Variants in TYR observed in about 807,000 individuals in gnomAD.
TYR encodes the protein LB24-AB.
A neutral mutation model predicts 51.5 loss-of-function variants in TYR; 58 were observed. That is an observed-to-expected ratio of 1.13 (90% confidence interval 0.91 to 1.40). The LOEUF (loss-of-function observed/expected upper bound fraction) is 1.40. TYR is among the 40% of genes most tolerant of loss of function. The pLI is 0.00. For synonymous variants in TYR, 263 were observed against 235.2 expected (o/e 1.12, Z -1.08); for missense variants, 732 against 647.4 (o/e 1.13, Z -1.42).
At chr11:89,257,686 T>A (rs1278693015) in intron 3 of TYR, among the ~76,000 whole-genome samples, 1 of 152,090 alleles carries the variant, frequency 6.6e-6, no homozygotes, top group Non-Finnish European at 1.5e-5. Context: ...GCGTAGCTGC[T>A]GCAGACCTCA....
chr11:89,209,135 G>T (rs1197916683), intron 2 of TYR, among the ~76,000 whole-genome samples: 1 of 152,118 alleles, frequency 6.6e-6, no homozygotes, highest in Non-Finnish European at 1.5e-5. Context: ...CAGGATGGGG[G>T]GTCACCTCAT....
chr11:89,292,814 T>G (rs1301622272), intron 4 of TYR, among the ~76,000 whole-genome samples: 1 of 152,158 alleles, frequency 6.6e-6, no homozygotes, highest in Non-Finnish European at 1.5e-5. Context: ...GATTCTAAAC[T>G]GCCAAATCTC....
chr11:89,277,409 A>G (rs371729010), intron 3 of TYR, among the ~76,000 whole-genome samples: 138 of 151,846 alleles, frequency 9.1e-4, no homozygotes, highest in African/African-American at 3.2e-3. Context: ...TTTCAGAAAG[A>G]TGATATCCAA....
At chr11:89,271,343 TAA>T (rs1228241398) in intron 3 of TYR, among the ~76,000 whole-genome samples, 1 of 152,032 alleles carries the variant, frequency 6.6e-6, no homozygotes, top group East Asian at 1.9e-4. Flanking sequence ...AACATTCTAA[TAA>T]AGTTAGTCAC....
chr11:89,295,344 G>T lies in TYR; in HGVS notation c.1568G>T (p.Ser523Ile), dbSNP rs779798396. 2 of 1,612,332 alleles carry T rather than the reference G, an allele frequency of 1.2e-6. No homozygotes were observed. The highest frequency in any genetic ancestry group is 1.7e-6 in the Non-Finnish European group (2 of 1,178,974). The change falls in exon 5 of 5, where the codon AGC becomes ATC. Residue 523 changes from serine (S) to isoleucine (I), a missense_variant. Transcript: ENST00000263321. Reference protein sequence around the residue: ...PLLMEKEDYHSLYQSHL With the variant: ...PLLMEKEDYHILYQSHL ...CTCATGGAGAAAGAGGATTACCACA[G>T]CTTGTATCAGAGCCATTTATAAAAG...
chr11:89,283,863 A>G (rs772119237), intron 3 of TYR: 1 of 151,712 alleles, frequency 6.6e-6, no homozygotes, highest in African/African-American at 2.4e-5. Context: ...ATAGAAACTA[A>G]CTCTGCCTGA....
intron 2 of TYR, among the ~76,000 whole-genome samples, chr11:89,226,844 C>T (rs1347040059): frequency 4.6e-5 from 7 of 152,132 alleles, no homozygotes; most frequent in East Asian, 1.9e-4. Flanking sequence ...TGCCCTTCGT[C>T]GTGTTCCCCC....
intron 1 of TYR, 122 bp downstream of exon 1, chr11:89,178,894 G>A (rs1213182303): frequency 6.3e-6 from 6 of 945,920 alleles, no homozygotes; most frequent in Non-Finnish European, 1.0e-5. Context: ...CAGAAATGGT[G>A]CCCTGTTAAG....
chr11:89,295,101 T>C (rs1234336308), intron 4 of TYR, 42 bp from the exon 5 acceptor site: 1 of 1,608,050 alleles, frequency 6.2e-7, no homozygotes, highest in South Asian at 1.1e-5. Flanking sequence ...ATCGTAACAA[T>C]GGTGGTAACA....
intron 3 of TYR, among the ~76,000 whole-genome samples, chr11:89,238,026 G>A (rs1944141523): frequency 6.6e-6 from 1 of 151,772 alleles, no homozygotes; most frequent in African/African-American, 2.4e-5. Flanking sequence ...AGTAGAAATG[G>A]GGTTTCACCA....
intron 2 of TYR, among the ~76,000 whole-genome samples, chr11:89,211,243 A>G (rs1943751061): frequency 6.6e-6 from 1 of 152,202 alleles, no homozygotes; most frequent in Non-Finnish European, 1.5e-5. Context: ...ACATAGGCTC[A>G]AAATAAAGGG....
chr11:89,283,095 T>C (rs1294909978), intron 3 of TYR, among the ~76,000 whole-genome samples: 6 of 151,862 alleles, frequency 4.0e-5, no homozygotes, highest in Non-Finnish European at 8.8e-5. Context: ...CACAGTTCTT[T>C]GTGTAACTTG....
intron 1 of TYR, among the ~76,000 whole-genome samples, chr11:89,187,934 T>C (rs1375193318): frequency 6.6e-6 from 1 of 151,780 alleles, no homozygotes; most frequent in African/African-American, 2.4e-5. Context: ...ATTTAAAAAT[T>C]CATTTACAAA....
rs183985356 is a variant in TYR at position 89,221,947 on chromosome 11, C to T, written c.1037-5876C>T. ...TGCAACATCTGTAACTCATCTTCCT[C>T]AAAGGAAAGATACGGAATTATATGA... is the stretch of plus-strand genomic sequence containing the variant. On this transcript the variant is annotated intron_variant, in intron 2 of 4. Transcript: ENST00000263321. 5.2e-3 allele frequency among the ~76,000 whole-genome samples: 795 copies of T among 152,258 alleles called. 6 individuals carry two copies. The highest frequency in any genetic ancestry group is 0.013 in the African/African-American group (553 of 41,548).
chr11:89,283,640 G>A (rs1048753729), intron 3 of TYR: 3 of 151,774 alleles, frequency 2.0e-5, no homozygotes, highest in Admixed American at 2.0e-4. Flanking sequence ...AAAACACAGA[G>A]CTAGGCCTCA....
At chr11:89,229,924 T>C (rs1343963399) in intron 3 of TYR, among the ~76,000 whole-genome samples, 1 of 152,028 alleles carries the variant, frequency 6.6e-6, no homozygotes. Flanking sequence ...ATATCCTGTA[T>C]TCATAGATTA....
At chr11:89,276,396 A>C (rs1215154563) in intron 3 of TYR, among the ~76,000 whole-genome samples, 3 of 151,872 alleles carry the variant, frequency 2.0e-5, no homozygotes, top group African/African-American at 7.2e-5. Context: ...GAAAGAACAG[A>C]AACCTAGATA....
intron 4 of TYR, chr11:89,294,223 T>C (rs1944880772): frequency 2.0e-5 from 3 of 152,838 alleles, no homozygotes. Flanking sequence ...CTTCGACTTT[T>C]TTACCCTTTT....
intron 3 of TYR, among the ~76,000 whole-genome samples, chr11:89,245,721 G>C (rs1944257524): frequency 6.6e-6 from 1 of 152,152 alleles, no homozygotes; most frequent in Non-Finnish European, 1.5e-5. Context: ...AGGAGATCAA[G>C]ACCATCCTGG....
Sources: allele counts gnomAD v4.1 joint callset (sites outside exome capture counted in the v4.1 genomes callset), GRCh38; gene constraint gnomAD v4.1.1; transcripts MANE v1.5; gene names NCBI Gene and HGNC (gene_info 2026-07-23, HGNC 2026-07-21).